The following SERPINI1 variants were observed in gnomAD, a reference collection of about 807,000 sequenced individuals.
The protein encoded by SERPINI1 is neuroserpin.
A neutral mutation model predicts 41.1 loss-of-function variants in SERPINI1; 19 were observed. The ratio of observed to expected loss-of-function variants is 0.46; its 90% CI spans 0.32 to 0.68. The LOEUF (loss-of-function observed/expected upper bound fraction) is 0.68. SERPINI1 is among the 30% of genes least tolerant of loss of function. The pLI, the probability that SERPINI1 is intolerant of heterozygous loss-of-function variation, is 0.03. For synonymous variants in SERPINI1, 138 were observed against 156.6 expected, an observed-to-expected ratio of 0.88 and a Z score of 0.89; for missense variants, 460 against 479.2, an observed-to-expected ratio of 0.96 and a Z score of 0.37.
At chr3:167,803,097 A>T (rs1436331593) in intron 5 of SERPINI1, among the ~76,000 whole-genome samples, 1 of 151,738 alleles carries the variant, frequency 6.6e-6, no homozygotes, top group Admixed American at 6.6e-5. Flanking sequence ...TGGACACAGG[A>T]AGGGGAACAT....
chr3:167,737,785 T>C (rs1432631079), intron 1 of SERPINI1, among the ~76,000 whole-genome samples: 1 of 152,138 alleles, frequency 6.6e-6, no homozygotes, highest in African/African-American at 2.4e-5. Context: ...GAAATTAAGA[T>C]ATACTTTGAA....
At chr3:167,767,118 G>A (rs537907197) in intron 1 of SERPINI1, among the ~76,000 whole-genome samples, 2 of 152,316 alleles carry the variant, frequency 1.3e-5, no homozygotes, top group South Asian at 4.1e-4. Flanking sequence ...CAAAGGACAG[G>A]CTGACTCTCA....
At chr3:167,803,640 G>A (rs1300139060) in intron 5 of SERPINI1, among the ~76,000 whole-genome samples, 3 of 152,042 alleles carry the variant, frequency 2.0e-5, no homozygotes, top group Non-Finnish European at 2.9e-5. Flanking sequence ...CGCCTGGATC[G>A]GTCACTCATC....
chr3:167,758,488 A>G (rs1726263480), intron 1 of SERPINI1, among the ~76,000 whole-genome samples: 2 of 152,268 alleles, frequency 1.3e-5, no homozygotes, highest in African/African-American at 4.8e-5. Flanking sequence ...AGAAAGAATG[A>G]TGGAAATAGA....
At chr3:167,752,129 T>TG (rs1726066036) in intron 1 of SERPINI1, among the ~76,000 whole-genome samples, 1 of 152,148 alleles carries the variant, frequency 6.6e-6, no homozygotes. Context: ...TCCTAAGTCT[T>TG]GCATGTGTTT....
At chr3:167,808,806 G>GGT (rs1156661983) in intron 6 of SERPINI1, among the ~76,000 whole-genome samples, 1 of 152,136 alleles carries the variant, frequency 6.6e-6, no homozygotes, top group African/African-American at 2.4e-5. Context: ...TATACATGTA[G>GGT]GTGTGTGTGA....
intron 1 of SERPINI1, among the ~76,000 whole-genome samples, chr3:167,748,752 CTGTGTGTGTG>C (rs34438429): frequency 0.021 from 2,998 of 143,578 alleles, 100 homozygotes; most frequent in East Asian, 0.13. Context: ...GTGTGTTACT[CTGTGTGTGTG>C]TGTGTGTGTG....
intron 1 of SERPINI1, among the ~76,000 whole-genome samples, chr3:167,746,166 G>T (rs1448491047): frequency 1.3e-5 from 2 of 152,142 alleles, no homozygotes; most frequent in Non-Finnish European, 2.9e-5. Context: ...TTTCAACAGG[G>T]TGCTGAGACA....
intron 1 of SERPINI1, among the ~76,000 whole-genome samples, chr3:167,765,864 G>A (rs1275352268): frequency 6.6e-6 from 1 of 152,092 alleles, no homozygotes; most frequent in Non-Finnish European, 1.5e-5. Flanking sequence ...TCTAGGGCAG[G>A]GGCAAAATGC....
chr3:167,753,984 A>G (rs1197151063), intron 1 of SERPINI1, among the ~76,000 whole-genome samples: 1 of 152,168 alleles, frequency 6.6e-6, no homozygotes, highest in African/African-American at 2.4e-5. Flanking sequence ...ATGTTTTTTA[A>G]AAGGGGGAGA....
chr3:167,776,839 A>T (rs1020085604), intron 1 of SERPINI1, among the ~76,000 whole-genome samples: 5 of 152,254 alleles, frequency 3.3e-5, no homozygotes, highest in Non-Finnish European at 7.3e-5. Context: ...CAGCACAGAA[A>T]GTTGTGTTAG....
At chr3:167,811,831 G>A (rs185729885) in intron 6 of SERPINI1, among the ~76,000 whole-genome samples, 1 of 152,218 alleles carries the variant, frequency 6.6e-6, no homozygotes, top group Admixed American at 6.5e-5. Context: ...AACATAATGA[G>A]ACCTTGTTTC....
At chr3:167,797,947 A>G (rs1253505423) in intron 5 of SERPINI1, among the ~76,000 whole-genome samples, 2 of 152,098 alleles carry the variant, frequency 1.3e-5, no homozygotes, top group Admixed American at 1.3e-4. Context: ...CTTGCATTTT[A>G]TGAAGAATTC....
chr3:167,779,805 AC>A (rs1727065836), intron 1 of SERPINI1, among the ~76,000 whole-genome samples: 1 of 152,164 alleles, frequency 6.6e-6, no homozygotes, highest in African/African-American at 2.4e-5. Flanking sequence ...ATTCAATAGT[AC>A]AGAAAAAAAG....
chr3:167,764,700 A>G (rs1441398275), intron 1 of SERPINI1, among the ~76,000 whole-genome samples: 1 of 152,228 alleles, frequency 6.6e-6, no homozygotes, highest in Non-Finnish European at 1.5e-5. Context: ...TCCAAAGTCC[A>G]CAATCCACAG....
intron 1 of SERPINI1, among the ~76,000 whole-genome samples, chr3:167,759,885 G>A (rs1577403433): frequency 6.6e-6 from 1 of 152,112 alleles, no homozygotes; most frequent in Non-Finnish European, 1.5e-5. Flanking sequence ...TCTTAATCCA[G>A]TTTTGTTTTT....
chr3:167,799,949 A>G (rs1284905479), intron 5 of SERPINI1: 2 of 152,164 alleles, frequency 1.3e-5, no homozygotes, highest in African/African-American at 4.8e-5. Flanking sequence ...AAAAATATAT[A>G]AAATGCTGTC....
At chr3:167,747,566 C>T (rs537281192) in intron 1 of SERPINI1, among the ~76,000 whole-genome samples, 3 of 152,248 alleles carry the variant, frequency 2.0e-5, no homozygotes, top group African/African-American at 7.2e-5. Flanking sequence ...ATGGCGTGAA[C>T]CCGGGAGGCG....
At chr3:167,822,811 C>T (rs2108575243) in intron 6 of SERPINI1, 175 bp from the exon 7 acceptor site, 1 of 537,394 alleles carries the variant, frequency 1.9e-6, no homozygotes, top group Non-Finnish European at 3.3e-6. Context: ...AAAATGAGGG[C>T]AAATTAAAAA....
Sources: gnomAD v4.1 joint callset for allele counts (sites outside exome capture counted in the v4.1 genomes callset) on GRCh38, gnomAD v4.1.1 for gene constraint, MANE v1.5 for transcripts, NCBI Gene and HGNC (gene_info 2026-07-23, HGNC 2026-07-21) for gene names.